Variants in CHRM3 observed in about 807,000 individuals in gnomAD.
The protein encoded by CHRM3 is muscarinic acetylcholine receptor M3.
A neutral mutation model predicts 41.8 loss-of-function variants in CHRM3; 11 were observed. That is an observed-to-expected ratio of 0.26 (90% CI 0.17 to 0.44). The LOEUF (loss-of-function observed/expected upper bound fraction) is 0.44. CHRM3 is among the 20% of genes least tolerant of loss of function. The pLI is 1.00. For missense variants in CHRM3, 571 were observed against 745.4 expected (o/e 0.77, Z 2.72); for synonymous variants, 297 against 301.4 (o/e 0.99, Z 0.15).
intron 5 of CHRM3, among the ~76,000 whole-genome samples, chr1:239,805,462 A>G (rs1279352563): frequency 6.6e-6 from 1 of 152,188 alleles, no homozygotes. Context: ...CTTAGGTATT[A>G]TACATAGACA....
intron 1 of CHRM3, among the ~76,000 whole-genome samples, chr1:239,441,953 C>T (rs9970997): frequency 0.045 from 6,809 of 152,144 alleles, 493 homozygotes; most frequent in African/African-American, 0.15. Flanking sequence ...ATTCCAAATA[C>T]ATGATTTATG....
rs1054398394 is a variant in CHRM3 at position 239,682,772 on chromosome 1, A to C, written c.-147+4484A>C. On this transcript the variant is annotated intron_variant, in intron 5 of 6. Coordinates refer to ENST00000676153, the MANE Select transcript of CHRM3 (RefSeq NM_001375978.1). ...TGTTAATACAACAAATGCTTCAAAA[A>C]TATATGTTTGTTAATGTCTACTTAC... Among the ~76,000 whole-genome samples, 8 of 152,284 alleles carry C rather than the reference A, an allele frequency of 5.3e-5. No homozygotes were observed. In the South Asian group the frequency reaches 6.2e-4, roughly 12 times the overall value.
intron 5 of CHRM3, among the ~76,000 whole-genome samples, chr1:239,796,883 A>T (rs999082303): frequency 6.6e-6 from 1 of 152,000 alleles, no homozygotes; most frequent in African/African-American, 2.4e-5. Context: ...AGTATCTACT[A>T]TTCCACTCAC....
At position 239,908,697 on chromosome 1, in the gene CHRM3, G is replaced by A. The variant is rs755384239; in HGVS notation, c.1246G>A (p.Asp416Asn). 25 of 1,612,736 alleles carry A rather than the reference G, an allele frequency of 1.6e-5. No homozygotes were observed. Among genetic ancestry groups the A allele is most frequent in the Middle Eastern group, 1.6e-4 (1 of 6,082 alleles). ...GCTGCAGGCCCAGAAGAGCGTGGACGATGGAGGCAGTTTTCCAAAAAGCTT... is the reference window on the plus strand; with the variant it reads ...GCTGCAGGCCCAGAAGAGCGTGGACAATGGAGGCAGTTTTCCAAAAAGCTT... ...DKLQAQKSVDDGGSFPKSFSK... is the reference protein window; with the variant it reads ...DKLQAQKSVDNGGSFPKSFSK... The change falls in exon 7 of 7, where the codon GAT (aspartate) becomes AAT (asparagine). Residue 416 changes from aspartate (D) to asparagine (N), a missense_variant. Coordinates refer to ENST00000676153, the MANE Select transcript of CHRM3 (RefSeq NM_001375978.1). This position sits in a 1 kb window ranked among gnomAD's most constrained non-coding sequence, Gnocchi z 7.2.
At chr1:239,405,982 C>G (rs1660563124) in intron 1 of CHRM3, among the ~76,000 whole-genome samples, 1 of 152,126 alleles carries the variant, frequency 6.6e-6, no homozygotes, top group African/African-American at 2.4e-5. Context: ...ACCTCCGCCT[C>G]CCGGGTTGAA....
Position 239,884,347 on chromosome 1 carries a change from C to T in CHRM3, c.-19-23086C>T, listed in dbSNP as rs6678567. 4.1e-3 allele frequency among the ~76,000 whole-genome samples: 624 copies of T among 152,198 alleles called. 6 individuals are homozygous for T. The highest frequency in any genetic ancestry group is 0.014 in the African/African-American group (600 of 41,514). On this transcript the variant is annotated intron_variant, in intron 6 of 6. Transcript: ENST00000676153. ...AGATTGAATTGATGTAGTTATAAGT[C>T]AAGGAATGCCCAGAGCCACTAGAAA...
chr1:239,391,146 C>A (rs75821185), intron 1 of CHRM3, among the ~76,000 whole-genome samples: 1 of 152,172 alleles, frequency 6.6e-6, no homozygotes, highest in East Asian at 1.9e-4. Context: ...TCTACATAAT[C>A]ATCATCATAA....
At chr1:239,389,043 C>T (rs140980228) in intron 1 of CHRM3, among the ~76,000 whole-genome samples, 2 of 152,084 alleles carry the variant, frequency 1.3e-5, no homozygotes, top group East Asian at 1.9e-4. Flanking sequence ...GAATGTAGCA[C>T]GAAAATAGCA....
At chr1:239,660,179 C>G (rs1208551538) in intron 4 of CHRM3, among the ~76,000 whole-genome samples, 1 of 152,094 alleles carries the variant, frequency 6.6e-6, no homozygotes, top group Non-Finnish European at 1.5e-5. Flanking sequence ...ATGGGGTTCT[C>G]ACTAATTTGA....
At chr1:239,581,930 ATCATTATTTGTAGCATT>A (rs1406530911) in intron 3 of CHRM3, among the ~76,000 whole-genome samples, 1 of 152,172 alleles carries the variant, frequency 6.6e-6, no homozygotes, top group Non-Finnish European at 1.5e-5. Flanking sequence ...TATTTATGGT[ATCATTATTTGTAGCATT>A]TTTCATCTCT....
chr1:239,511,387 T>C (rs1382228306), intron 2 of CHRM3, among the ~76,000 whole-genome samples: 1 of 152,244 alleles, frequency 6.6e-6, no homozygotes, highest in Non-Finnish European at 1.5e-5. Context: ...GATTTATAAT[T>C]CGCTGTTGCA....
chr1:239,618,653 G>A (rs1035792713), intron 3 of CHRM3, among the ~76,000 whole-genome samples: 17 of 151,368 alleles, frequency 1.1e-4, no homozygotes, highest in Non-Finnish European at 2.2e-4. Context: ...GACCATCCTG[G>A]CTAACACGGT....
chr1:239,629,100 C>T, intron 3 of CHRM3: 1 of 127,346 alleles, frequency 7.9e-6, no homozygotes, highest in African/African-American at 3.0e-5. Context: ...CCTCCCCCAG[C>T]CTCGTTGCCG....
chr1:239,519,115 A>G (rs1669460142), intron 2 of CHRM3, among the ~76,000 whole-genome samples: 1 of 152,094 alleles, frequency 6.6e-6, no homozygotes, highest in Non-Finnish European at 1.5e-5. Context: ...AAATTGGTGT[A>G]TTTTTATTCC....
intron 1 of CHRM3, among the ~76,000 whole-genome samples, chr1:239,427,049 G>T (rs1213825512): frequency 6.6e-6 from 1 of 152,064 alleles, no homozygotes. Flanking sequence ...ATGTTAATTT[G>T]AAGTTATTTT....
chr1:239,754,515 G>T (rs1184587404), intron 5 of CHRM3, among the ~76,000 whole-genome samples: 1 of 152,218 alleles, frequency 6.6e-6, no homozygotes, highest in Non-Finnish European at 1.5e-5. Context: ...CAGAGGCCAA[G>T]ATTCCTGGAT....
chr1:239,710,277 A>T (rs910860352), intron 5 of CHRM3, among the ~76,000 whole-genome samples: 4 of 152,190 alleles, frequency 2.6e-5, no homozygotes, highest in African/African-American at 9.6e-5. Flanking sequence ...ATACCCATAT[A>T]TATGTGTTTG....
chr1:239,849,312 A>C (rs569790673), intron 6 of CHRM3, among the ~76,000 whole-genome samples: 15 of 152,298 alleles, frequency 9.8e-5, no homozygotes, highest in Admixed American at 9.2e-4. Context: ...GTGATGATTC[A>C]AGTATCATTG....
chr1:239,465,975 A>T (rs994185033), intron 1 of CHRM3, among the ~76,000 whole-genome samples: 1 of 151,806 alleles, frequency 6.6e-6, no homozygotes, highest in African/African-American at 2.4e-5. Flanking sequence ...GTTTATGATG[A>T]TCCATTTCCT....
Sources: gnomAD v4.1 joint callset for allele counts (sites outside exome capture counted in the v4.1 genomes callset) on GRCh38, gnomAD v4.1.1 for gene constraint, Gnocchi (gnomAD v3.1) non-coding constraint, MANE v1.5 for transcripts, NCBI Gene and HGNC (gene_info 2026-07-23, HGNC 2026-07-21) for gene names.